The following RIBC2 variants were observed in gnomAD, a reference collection of about 807,000 sequenced individuals.
The protein encoded by RIBC2 is RIB43A domain with coiled-coils 2, also known as RIB43A-like with coiled-coils protein 2.
A neutral mutation model predicts 44.3 loss-of-function variants in RIBC2; 40 were observed. The ratio of observed to expected loss-of-function variants is 0.90; its 90% confidence interval spans 0.70 to 1.18. RIBC2 has a LOEUF of 1.18. RIBC2 is among the 50% of genes most tolerant of loss of function. The pLI, the probability that RIBC2 is intolerant of heterozygous loss-of-function variation, is 0.00. For synonymous variants in RIBC2, 171 were observed against 175.0 expected (o/e 0.98, Z 0.18); for missense variants, 459 against 485.5 (o/e 0.95, Z 0.51).
rs747411393 is a variant in RIBC2, at chr22:45,426,141, G to A, written c.869G>A (p.Arg290His). Reference sequence around the variant, plus strand: ...ACCCAGGAGCAGCTGGAGCAGATCCGCCTAGTCCAGAAGCAGCAAATCCAG... The same window carrying A: ...ACCCAGGAGCAGCTGGAGCAGATCCACCTAGTCCAGAAGCAGCAAATCCAG... Reference protein sequence around the residue: ...GMTQEQLEQIRLVQKQQIQEK... With the variant: ...GMTQEQLEQIHLVQKQQIQEK... Residue 290 changes from arginine (R) to histidine (H), a missense_variant, in exon 5 of 7, where the codon CGC becomes CAC. Transcript: ENST00000614167. 41 of 1,613,698 alleles carry A rather than the reference G, an allele frequency of 2.5e-5. No individual in the cohort carries two copies. The highest frequency in any genetic ancestry group is 1.6e-4 in the Middle Eastern group (1 of 6,076).
chr22:45,423,099 A>G (rs1020932062), intron 4 of RIBC2, among the ~76,000 whole-genome samples: 5 of 151,938 alleles, frequency 3.3e-5, no homozygotes, highest in African/African-American at 1.2e-4. Context: ...CCCCCACCTG[A>G]GCCATCCAAG....
chr22:45,414,473 G>T, intron 2 of RIBC2, 70 bp downstream of exon 2: 1 of 1,018,248 alleles, frequency 9.8e-7, no homozygotes, highest in Non-Finnish European at 1.4e-6. Context: ...CTTCCCCACC[G>T]TCCCCCTGCC....
intron 3 of RIBC2, 49 bp downstream of exon 3, chr22:45,417,995 C>A (rs938784395): frequency 8.1e-7 from 1 of 1,234,264 alleles, no homozygotes; most frequent in Non-Finnish European, 1.1e-6. Flanking sequence ...CTTCAACAAA[C>A]CAACCCTACA....
chr22:45,415,787 C>T (rs1398236568), intron 2 of RIBC2, among the ~76,000 whole-genome samples: 1 of 152,152 alleles, frequency 6.6e-6, no homozygotes, highest in East Asian at 1.9e-4. Context: ...GCAACCTCCG[C>T]CTCCTGGGTT....
intron 5 of RIBC2, among the ~76,000 whole-genome samples, chr22:45,427,157 G>A (rs772656909): frequency 6.6e-5 from 10 of 152,210 alleles, no homozygotes; most frequent in Non-Finnish European, 1.3e-4. Flanking sequence ...ACACATAACA[G>A]CATCTTAAAC....
At chr22:45,429,642 T>C (rs2146890605) in intron 5 of RIBC2, among the ~76,000 whole-genome samples, 1 of 151,640 alleles carries the variant, frequency 6.6e-6, no homozygotes, top group South Asian at 2.1e-4. Flanking sequence ...GCAGGGGGCG[T>C]GAAGTTCAGG....
At chr22:45,426,917 G>A (rs531335416) in intron 5 of RIBC2, among the ~76,000 whole-genome samples, 1 of 152,242 alleles carries the variant, frequency 6.6e-6, no homozygotes, top group Non-Finnish European at 1.5e-5. Context: ...GCATGATTGG[G>A]TGGGGACGTG....
intron 3 of RIBC2, 32 bp from the exon 4 acceptor site, chr22:45,422,258 G>C: frequency 6.5e-7 from 1 of 1,548,888 alleles, no homozygotes; most frequent in Non-Finnish European, 8.9e-7. Flanking sequence ...CCTGTGGCCA[G>C]GTCGATCTGA....
At chr22:45,419,259 G>A (rs2087454667) in intron 3 of RIBC2, among the ~76,000 whole-genome samples, 1 of 151,940 alleles carries the variant, frequency 6.6e-6, no homozygotes, top group Non-Finnish European at 1.5e-5. Flanking sequence ...CACTTGTCAA[G>A]ATCAGCACGA....
intron 5 of RIBC2, among the ~76,000 whole-genome samples, chr22:45,429,392 C>G (rs557297761): frequency 6.6e-6 from 1 of 152,094 alleles, no homozygotes; most frequent in Non-Finnish European, 1.5e-5. Context: ...AGAATCCTGG[C>G]AGGAGAGATC....
intron 5 of RIBC2, 52 bp downstream of exon 5, chr22:45,426,227 C>A: frequency 6.8e-7 from 1 of 1,470,386 alleles, no homozygotes; most frequent in Non-Finnish European, 9.4e-7. Flanking sequence ...CTCTTTGCTC[C>A]CACTGCCTTC....
intron 2 of RIBC2, among the ~76,000 whole-genome samples, chr22:45,415,212 AAAAG>A (rs1302048833): frequency 6.6e-6 from 1 of 151,960 alleles, no homozygotes; most frequent in Non-Finnish European, 1.5e-5. Flanking sequence ...AAAAAAAAAA[AAAAG>A]AAATTTCAGT....
At chr22:45,422,246 C>G in intron 3 of RIBC2, 44 bp from the exon 4 acceptor site, 1 of 1,438,704 alleles carries the variant, frequency 7.0e-7, no homozygotes, top group Non-Finnish European at 9.8e-7. Context: ...TGGGAAGGTG[C>G]TCCTGTGGCC....
chr22:45,431,258 C>T (rs1229404612), intron 6 of RIBC2, among the ~76,000 whole-genome samples, 192 bp downstream of exon 6: 2 of 152,134 alleles, frequency 1.3e-5, no homozygotes, highest in East Asian at 1.9e-4. Context: ...GCTGTCCACA[C>T]GGGGTGCATG....
At chr22:45,421,548 TAATAATAATAG>T (rs1319018126) in intron 3 of RIBC2, among the ~76,000 whole-genome samples, 58,359 of 115,884 alleles carry the variant, frequency 0.5, 13,679 homozygotes, top group African/African-American at 0.68. Context: ...ATAATATTAA[TAATAATAATAG>T]TATTATTAAT....
rs2087400136 is a variant in RIBC2, at chr22:45,414,510, T to C, written c.211+107T>C. ...CGCCTTTTTTTTTTTATTTTTTATT[T>C]TTTTTATTTAATAGAGATAGGGTCT... On this transcript the variant is annotated intron_variant, in intron 2 of 6. Transcript: ENST00000614167. 5.6e-6 allele frequency: 4 copies of C among 720,236 alleles called. No homozygotes were observed. The African/African-American group carries it at 5.6e-5, about 10-fold the overall frequency. 44.6% of individuals were successfully genotyped at this position (720,236 alleles called of 1,614,324 possible). A position where few individuals can be genotyped will look rare whatever the true frequency, so the allele number is the denominator to read the frequency against.
At chr22:45,426,723 T>C (rs1444704846) in intron 5 of RIBC2, among the ~76,000 whole-genome samples, 1 of 152,124 alleles carries the variant, frequency 6.6e-6, no homozygotes, top group African/African-American at 2.4e-5. Flanking sequence ...ATCCCCAGCG[T>C]GATCCCCCTG....
chr22:45,425,479 G>A (rs571380615), intron 4 of RIBC2, among the ~76,000 whole-genome samples: 2 of 152,326 alleles, frequency 1.3e-5, no homozygotes, highest in South Asian at 4.1e-4. Flanking sequence ...ATGAGACCTG[G>A]AATTACTTTG....
chr22:45,429,676 G>A (rs963730786), intron 5 of RIBC2, among the ~76,000 whole-genome samples: 4 of 152,198 alleles, frequency 2.6e-5, no homozygotes, highest in Non-Finnish European at 4.4e-5. Flanking sequence ...TGGAAAGGGC[G>A]CCGGGGCTGG....
Sources: gnomAD v4.1 joint callset for allele counts (sites outside exome capture counted in the v4.1 genomes callset) on GRCh38, gnomAD v4.1.1 for gene constraint, MANE v1.5 for transcripts, NCBI Gene and HGNC (gene_info 2026-07-23, HGNC 2026-07-21) for gene names.